The following IQCM variants were observed in gnomAD, a reference collection of about 807,000 sequenced individuals.
IQCM encodes the protein IQ motif containing M, also known as IQ domain-containing protein M.
IQCM carries 45 observed loss-of-function variants against 57.6 expected under a neutral mutation model. The observed-to-expected ratio is 0.78, with a 90% CI of 0.62 to 1.00. IQCM has a LOEUF of 1.00. Among genes scored for constraint, IQCM ranks in the 50% least tolerant of loss-of-function variants. The probability of loss-of-function intolerance (pLI) is 0.00; values close to 1 mark genes in which losing one functional copy is unlikely to be tolerated. For missense variants in IQCM, 468 were observed against 511.6 expected (o/e 0.91, Z 0.82); for synonymous variants, 148 against 158.9 (o/e 0.93, Z 0.51).
chr4:149,536,131 A>T (rs1246008990), intron 12 of IQCM, among the ~76,000 whole-genome samples: 1 of 152,018 alleles, frequency 6.6e-6, no homozygotes, highest in African/African-American at 2.4e-5. Flanking sequence ...AGCTCTAGGG[A>T]AAAGGGTTTA....
intron 12 of IQCM, among the ~76,000 whole-genome samples, chr4:149,481,708 T>TTTTTTTTGTTTTG (rs1740877358): frequency 7.4e-6 from 1 of 134,710 alleles, no homozygotes; most frequent in African/African-American, 2.7e-5. Flanking sequence ...TTTGTTTTTT[T>TTTTTTTTGTTTTG]TTTTTTTTTT....
chr4:149,471,479 G>A (rs953916428), intron 12 of IQCM, among the ~76,000 whole-genome samples: 4 of 152,070 alleles, frequency 2.6e-5, no homozygotes, highest in East Asian at 1.9e-4. Flanking sequence ...ATAATTAATA[G>A]CCTAGCAACT....
chr4:149,433,618 TC>T, intron 12 of IQCM, 61 bp from the exon 13 acceptor site: 1 of 630,792 alleles, frequency 1.6e-6, no homozygotes, highest in Non-Finnish European at 2.3e-6. Context: ...CATACTTGCT[TC>T]TTTTAAGGGA....
chr4:149,365,904 A>C (rs1729797216), intron 13 of IQCM, among the ~76,000 whole-genome samples: 1 of 152,142 alleles, frequency 6.6e-6, no homozygotes, highest in South Asian at 2.1e-4. Flanking sequence ...TAGATGCTGG[A>C]ATGGAAAAAG....
chr4:149,619,107 G>GATATAT (rs70965194), intron 8 of IQCM, among the ~76,000 whole-genome samples: 1,731 of 126,660 alleles, frequency 0.014, 32 homozygotes, highest in Middle Eastern at 0.048. Context: ...ATGTGGGATG[G>GATATAT]ATATATATAT....
At chr4:149,779,735 A>G (rs145940200) in intron 2 of IQCM, among the ~76,000 whole-genome samples, 16 of 152,298 alleles carry the variant, frequency 1.1e-4, no homozygotes, top group African/African-American at 3.6e-4. Flanking sequence ...GTTCTGGTAC[A>G]GAGTCTCCAA....
At chr4:149,772,532 C>T (rs1770683951) in intron 2 of IQCM, among the ~76,000 whole-genome samples, 1 of 149,076 alleles carries the variant, frequency 6.7e-6, no homozygotes, top group African/African-American at 2.4e-5. Flanking sequence ...TAATGTGTCA[C>T]TTTATAAACA....
intron 5 of IQCM, among the ~76,000 whole-genome samples, chr4:149,722,098 G>T (rs112128541): frequency 6.6e-6 from 1 of 151,908 alleles, no homozygotes; most frequent in African/African-American, 2.4e-5. Flanking sequence ...CTCCTTTTGC[G>T]AAATGTTTGT....
chr4:149,593,536 G>A (rs181818507), intron 8 of IQCM, among the ~76,000 whole-genome samples: 89 of 152,194 alleles, frequency 5.8e-4, no homozygotes, highest in African/African-American at 2.1e-3. Context: ...TCTTGTGCCA[G>A]TTTTCAAAGG....
chr4:149,741,892 T>C (rs1767491336), intron 3 of IQCM, among the ~76,000 whole-genome samples: 1 of 152,186 alleles, frequency 6.6e-6, no homozygotes, highest in South Asian at 2.1e-4. Flanking sequence ...AATTTTACAA[T>C]GTGTATACAT....
intron 2 of IQCM, among the ~76,000 whole-genome samples, chr4:149,807,934 C>T (rs1414942710): frequency 3.3e-5 from 5 of 151,890 alleles, no homozygotes; most frequent in Admixed American, 2.0e-4. Flanking sequence ...CTGGTGATGA[C>T]GTGGAGAAAA....
chr4:149,788,525 A>G (rs1269599589), intron 2 of IQCM, among the ~76,000 whole-genome samples: 1 of 152,202 alleles, frequency 6.6e-6, no homozygotes, highest in Non-Finnish European at 1.5e-5. Flanking sequence ...GAGAAAATGG[A>G]ACTTTTATAC....
At chr4:149,512,067 A>G (rs961834609) in intron 12 of IQCM, among the ~76,000 whole-genome samples, 4 of 152,338 alleles carry the variant, frequency 2.6e-5, no homozygotes, top group South Asian at 2.1e-4. Flanking sequence ...GCAAAAAATC[A>G]TGAAACTTTT....
At position 149,726,144 on chromosome 4, in the gene IQCM, G is replaced by GAAAGAAAGAAAGAAAGA. The variant is rs1765922767; in HGVS notation, c.385+7099_385+7100insTCTTTCTTTCTTTCTTT. On this transcript the variant is annotated intron_variant, in intron 5 of 13. Coordinates refer to ENST00000636793, the MANE Select transcript of IQCM (RefSeq NM_001363507.2). ...GAAAGAAAGAAAGAAAGAAAGAAAA[G>GAAAGAAAGAAAGAAAGA]AAAGAAAGAAAGAATTTCATTTTTT... 8.6e-5 allele frequency among the ~76,000 whole-genome samples: 11 copies of GAAAGAAAGAAAGAAAGA among 127,666 alleles called. 1 individual carries two copies. Among genetic ancestry groups the GAAAGAAAGAAAGAAAGA allele is most frequent in the African/African-American group, 3.6e-4 (11 of 30,546 alleles). 83.8% of individuals were successfully genotyped at this position (127,666 alleles called of 152,430 possible).
chr4:149,598,678 A>G (rs1003546063), intron 8 of IQCM, among the ~76,000 whole-genome samples: 4 of 152,260 alleles, frequency 2.6e-5, no homozygotes, highest in Admixed American at 2.0e-4. Flanking sequence ...AATGTAAATT[A>G]AAATCACAAA....
chr4:149,801,221 A>G (rs2150048958), intron 2 of IQCM, among the ~76,000 whole-genome samples: 1 of 152,102 alleles, frequency 6.6e-6, no homozygotes, highest in African/African-American at 2.4e-5. Context: ...CTTATATTCA[A>G]AAGACAGGCA....
rs1200214248 is a variant in IQCM at position 149,398,598 on chromosome 4, T to C, written c.1390+34798A>G. Among the ~76,000 whole-genome samples the C allele has an allele frequency of 2.0e-5, 3 of 152,118 alleles. No homozygotes were observed. In the South Asian group the frequency reaches 6.2e-4, roughly 31 times the overall value. On this transcript the variant is annotated intron_variant, in intron 13 of 13. Coordinates refer to ENST00000636793, the MANE Select transcript of IQCM (RefSeq NM_001363507.2). ...TCACCTCCTTAACTAAGCTTTATTC[T>C]TTGTGATGTTATTGTAAACAGAATT...
At chr4:149,755,939 G>A (rs1035789523) in intron 2 of IQCM, among the ~76,000 whole-genome samples, 2 of 152,102 alleles carry the variant, frequency 1.3e-5, no homozygotes, top group Admixed American at 1.3e-4. Context: ...GGACACCATT[G>A]GTACCAAAGT....
At chr4:149,515,003 G>C (rs1266031957) in intron 12 of IQCM, among the ~76,000 whole-genome samples, 1 of 151,736 alleles carries the variant, frequency 6.6e-6, no homozygotes, top group Non-Finnish European at 1.5e-5. Context: ...TCAGCTTGTA[G>C]ATGGCCTATT....
Sources: allele counts gnomAD v4.1 joint callset (sites outside exome capture counted in the v4.1 genomes callset), GRCh38; gene constraint gnomAD v4.1.1; transcripts MANE v1.5; gene names NCBI Gene and HGNC (gene_info 2026-07-23, HGNC 2026-07-21).